Variants in RBMS1 observed in about 807,000 individuals in gnomAD.
RBMS1 encodes RNA binding motif single stranded interacting protein 1, also known as RNA-binding motif, single-stranded-interacting protein 1.
RBMS1 carries 17 observed loss-of-function variants against 62.3 expected under a neutral mutation model. The observed-to-expected ratio is 0.27, with a 90% CI of 0.19 to 0.41. RBMS1 has a LOEUF of 0.41. Ranked by LOEUF, RBMS1 falls within the 10% of genes least tolerant of loss-of-function variation. The pLI, the probability that RBMS1 is intolerant of heterozygous loss-of-function variation, is 1.00. For missense variants in RBMS1, 334 were observed against 504.5 expected (o/e 0.66, Z 3.24); for synonymous variants, 172 against 170.0 (o/e 1.01, Z -0.09).
intron 12 of RBMS1, 84 bp downstream of exon 12, chr2:160,277,218 TG>T: frequency 8.1e-7 from 1 of 1,229,638 alleles, no homozygotes; most frequent in Non-Finnish European, 1.2e-6. Context: ...ATTTGACGTC[TG>T]GTAGATTTTT....
intron 1 of RBMS1, among the ~76,000 whole-genome samples, chr2:160,388,540 G>A (rs4619557): frequency 0.055 from 8,441 of 152,194 alleles, 368 homozygotes; most frequent in African/African-American, 0.12. Flanking sequence ...GGGCACTCTA[G>A]CTCTGGGTCC....
rs996904364 is a variant in RBMS1, at chr2:160,418,076, TAAGA to T, written c.76-50689_76-50686del. 1.6e-4 allele frequency among the ~76,000 whole-genome samples: 24 copies of T among 152,310 alleles called. No homozygotes were observed. The East Asian group carries it at 4.0e-3, about 26-fold the overall frequency. On this transcript the variant is annotated intron_variant, in intron 1 of 13. Transcript: ENST00000348849. ...AGTGTTTTTCAGTGCATTTATATAA[TAAGA>T]AAGATGAAAGGGAGATGAACCTAAA...
At chr2:160,290,010 G>C (rs1038369821) in intron 6 of RBMS1, among the ~76,000 whole-genome samples, 20 of 145,358 alleles carry the variant, frequency 1.4e-4, no homozygotes, top group African/African-American at 4.9e-4. Flanking sequence ...TTAGATTTTT[G>C]GGTAGGAAAA....
intron 1 of RBMS1, among the ~76,000 whole-genome samples, chr2:160,455,835 T>C (rs1026458504): frequency 1.2e-4 from 18 of 151,654 alleles, no homozygotes; most frequent in Admixed American, 8.5e-4. Flanking sequence ...AGGCGCCCGC[T>C]ACCACGCCCG....
chr2:160,300,651 C>T lies in RBMS1; in HGVS notation c.640G>A (p.Ala214Thr). 1 of 1,591,184 alleles carries T rather than the reference C, an allele frequency of 6.3e-7. No homozygotes were observed. Among genetic ancestry groups the T allele is most frequent in the Non-Finnish European group, 8.5e-7 (1 of 1,171,364 alleles). ...ATGAAGTTTCAGACAAACAACATAC[C>T]AGAAACTCCTGGTGGTGTCTTAATA... ...KFIKTPPGVS[A>T]PTEPLLCKFA... Residue 214 changes from alanine (A) to threonine (T), a missense_variant and splice_region_variant, in exon 6 of 14, where the codon GCC (alanine) becomes ACC (threonine). Physicochemically the swap from Ala to Thr is moderately conservative, Grantham distance 58 (BLOSUM62 0). This residue lies in a region of RBMS1 where 182 missense variants were observed against 257.7 expected (regional missense o/e 0.71). Transcript: ENST00000348849.
At chr2:160,340,482 A>T (rs1347731850) in intron 2 of RBMS1, among the ~76,000 whole-genome samples, 1 of 152,174 alleles carries the variant, frequency 6.6e-6, no homozygotes, top group Non-Finnish European at 1.5e-5. Context: ...ACCTCAGGGT[A>T]CATGGGGGAA....
chr2:160,466,379 G>A (rs957387111), intron 1 of RBMS1, among the ~76,000 whole-genome samples: 2 of 151,934 alleles, frequency 1.3e-5, no homozygotes, highest in Admixed American at 6.6e-5. Flanking sequence ...TTGATGCTTT[G>A]CCAAACTCTA....
Position 160,419,918 on chromosome 2 carries a change from T to C in RBMS1, c.76-52527A>G, listed in dbSNP as rs776868284. ...CTGCAAATCTGAGTGATGAAACAAA[T>C]AGGAGGCTGCTAATTTCTACATTTG... On this transcript the variant is annotated intron_variant, in intron 1 of 13. Transcript: ENST00000348849. Among the ~76,000 whole-genome samples the C allele has an allele frequency of 2.0e-5, 3 of 152,158 alleles. No homozygotes were observed. The South Asian group carries it at 6.2e-4, about 32-fold the overall frequency.
intron 1 of RBMS1, among the ~76,000 whole-genome samples, chr2:160,478,669 T>C (rs1685238326): frequency 6.6e-6 from 1 of 152,212 alleles, no homozygotes; most frequent in Non-Finnish European, 1.5e-5. Context: ...ATATCCCAAT[T>C]TCTCCTGTAT....
chr2:160,450,632 A>C (rs1020235677), intron 1 of RBMS1, among the ~76,000 whole-genome samples: 2 of 151,542 alleles, frequency 1.3e-5, no homozygotes, highest in African/African-American at 4.8e-5. Context: ...GTAGATGTAG[A>C]TAGAATGCCT....
At chr2:160,296,289 C>T (rs1370912829) in intron 6 of RBMS1, among the ~76,000 whole-genome samples, 1 of 152,140 alleles carries the variant, frequency 6.6e-6, no homozygotes, top group Non-Finnish European at 1.5e-5. Flanking sequence ...ATAATTACTT[C>T]CAGGTTTTAT....
chr2:160,332,911 T>C (rs1249308867), intron 2 of RBMS1, among the ~76,000 whole-genome samples: 1 of 150,724 alleles, frequency 6.6e-6, no homozygotes, highest in Non-Finnish European at 1.5e-5. Context: ...ATACTTTATA[T>C]GTGTATAAAT....
At chr2:160,413,367 G>T (rs747645446) in intron 1 of RBMS1, among the ~76,000 whole-genome samples, 12 of 152,272 alleles carry the variant, frequency 7.9e-5, no homozygotes, top group South Asian at 2.1e-4. Flanking sequence ...AAAATAGGGG[G>T]TCAGCAGATT....
chr2:160,317,509 G>A (rs963286378), intron 3 of RBMS1, among the ~76,000 whole-genome samples: 7 of 152,080 alleles, frequency 4.6e-5, no homozygotes, highest in South Asian at 2.1e-4. Context: ...TACTGTAGAC[G>A]CCTCCTCTTC....
At chr2:160,359,088 C>T (rs1222283409) in intron 2 of RBMS1, among the ~76,000 whole-genome samples, 1 of 152,114 alleles carries the variant, frequency 6.6e-6, no homozygotes, top group Non-Finnish European at 1.5e-5. Context: ...GAGTTAAATA[C>T]ACCATAACCA....
At chr2:160,373,279 A>G (rs1370451119) in intron 1 of RBMS1, among the ~76,000 whole-genome samples, 1 of 152,244 alleles carries the variant, frequency 6.6e-6, no homozygotes, top group Admixed American at 6.5e-5. Context: ...GTAAAACTGC[A>G]ATCTCCACAT....
At chr2:160,390,208 GA>G (rs762319539) in intron 1 of RBMS1, among the ~76,000 whole-genome samples, 18 of 152,112 alleles carry the variant, frequency 1.2e-4, no homozygotes, top group Non-Finnish European at 1.6e-4. Flanking sequence ...CATCACATCA[GA>G]ATTGTTCTAA....
intron 6 of RBMS1, 48 bp from the exon 7 acceptor site, chr2:160,287,132 G>A (rs914147612): frequency 1.2e-6 from 2 of 1,603,918 alleles, no homozygotes; most frequent in Non-Finnish European, 1.7e-6. Flanking sequence ...ATACGTGTAT[G>A]TGGATGACAA....
At chr2:160,349,294 A>G (rs1692354664) in intron 2 of RBMS1, among the ~76,000 whole-genome samples, 1 of 152,186 alleles carries the variant, frequency 6.6e-6, no homozygotes, top group Admixed American at 6.5e-5. Context: ...GGCTAAAAGT[A>G]TCTGATTATT....
Sources: gnomAD v4.1 joint callset for allele counts (sites outside exome capture counted in the v4.1 genomes callset) on GRCh38, gnomAD v4.1.1 for gene constraint, gnomAD v4.1.1 regional missense constraint, MANE v1.5 for transcripts, NCBI Gene and HGNC (gene_info 2026-07-23, HGNC 2026-07-21) for gene names.